The following ZC2HC1B variants were observed in gnomAD, a reference collection of about 807,000 sequenced individuals.
ZC2HC1B encodes zinc finger C2HC domain-containing protein 1B.
In ZC2HC1B, 36 loss-of-function variants were observed where a neutral mutation model predicts 31.0. The ratio of observed to expected loss-of-function variants is 1.16; its 90% confidence interval spans 0.89 to 1.54. The LOEUF (loss-of-function observed/expected upper bound fraction) is 1.54. Ranked by LOEUF, ZC2HC1B falls within the 40% of genes most tolerant of loss-of-function variation. The pLI is 0.00. For missense variants in ZC2HC1B, 260 were observed against 268.6 expected (o/e 0.97, Z 0.22); for synonymous variants, 73 against 88.0 (o/e 0.83, Z 0.95).
chr6:143,889,652 C>A (rs758372480), intron 4 of ZC2HC1B, among the ~76,000 whole-genome samples: 38 of 152,014 alleles, frequency 2.5e-4, no homozygotes, highest in Non-Finnish European at 5.4e-4. Flanking sequence ...AACAGAGCTT[C>A]TAAGAATGTG....
chr6:143,878,870 C>T (rs950634140), intron 1 of ZC2HC1B, among the ~76,000 whole-genome samples: 2 of 152,112 alleles, frequency 1.3e-5, no homozygotes, highest in Non-Finnish European at 2.9e-5. Flanking sequence ...ACCTACCTAT[C>T]TGTGTTTGCT....
chr6:143,928,251 G>T (rs567246359), intron 6 of ZC2HC1B, among the ~76,000 whole-genome samples: 2 of 152,104 alleles, frequency 1.3e-5, no homozygotes, highest in South Asian at 4.1e-4. Context: ...TTTAGTTTTC[G>T]CATCATACAT....
At position 143,883,270 on chromosome 6, in the gene ZC2HC1B, C is replaced by T. The variant is rs1324107516; in HGVS notation, c.29-1034C>T. Among the ~76,000 whole-genome samples, 1 of 152,172 alleles carries T rather than the reference C, an allele frequency of 6.6e-6. No homozygotes were observed. Among genetic ancestry groups the T allele is most frequent in the Admixed American group, 6.5e-5 (1 of 15,280 alleles). ...CCCAAGCTGGTCTCGAATCCTTAGG[C>T]TCAAGCAATCCTCCTGCTTCAGCCT... On this transcript the variant is annotated intron_variant, in intron 1 of 7. Transcript: ENST00000237275. The surrounding 1 kb of genome is among the most constrained non-coding windows in gnomAD (Gnocchi z 4.1).
chr6:143,898,529 TTTG>T lies in ZC2HC1B; in HGVS notation c.350-17_350-15del. On this transcript the variant is annotated intron_variant, in intron 4 of 7. Transcript: ENST00000237275. Reference sequence around the variant, plus strand: ...GTTGTTTTTGAAGTGCTAATTGCCATTTGTTGTTATCTTTACATTCAGATTATA... The same window carrying T: ...GTTGTTTTTGAAGTGCTAATTGCCATTTGTTATCTTTACATTCAGATTATA... 6.5e-7 allele frequency: 1 copy of T among 1,550,268 alleles called. No homozygotes were observed. Among genetic ancestry groups the T allele is most frequent in the Non-Finnish European group, 8.7e-7 (1 of 1,145,986 alleles).
At position 143,920,932 on chromosome 6, in the gene ZC2HC1B, A is replaced by G. The variant is rs190793492; in HGVS notation, c.599-16717A>G. ...AAAAAAAAAAAAAAAAAAGGTTGAC[A>G]CTAGTTTCCATAATACCATCTGAGC... is the stretch of plus-strand genomic sequence containing the variant. On this transcript the variant is annotated intron_variant, in intron 6 of 7. Coordinates refer to ENST00000237275, the MANE Select transcript of ZC2HC1B (RefSeq NM_001013623.3). Among the ~76,000 whole-genome samples, 653 of 150,302 alleles carry G rather than the reference A, an allele frequency of 4.3e-3. 3 individuals are homozygous for G. The highest frequency in any genetic ancestry group is 4.6e-3 in the Non-Finnish European group (308 of 67,666).
chr6:143,932,143 G>T (rs1778128536), intron 6 of ZC2HC1B, among the ~76,000 whole-genome samples: 1 of 152,036 alleles, frequency 6.6e-6, no homozygotes, highest in South Asian at 2.1e-4. Context: ...CCAAAGTGCT[G>T]GGATTACAGA....
chr6:143,931,456 A>C (rs1054333541), intron 6 of ZC2HC1B, among the ~76,000 whole-genome samples: 3 of 151,982 alleles, frequency 2.0e-5, no homozygotes, highest in Admixed American at 2.0e-4. Flanking sequence ...AAGAGGTTCT[A>C]TTTTGGTGTA....
rs1308043653 is a variant in ZC2HC1B at position 143,913,393 on chromosome 6, G to C, written c.598+10241G>C. Among the ~76,000 whole-genome samples, 1 of 152,208 alleles carries C rather than the reference G, an allele frequency of 6.6e-6. No individual in the cohort carries two copies. Among genetic ancestry groups the C allele is most frequent in the East Asian group, 1.9e-4 (1 of 5,196 alleles). On this transcript the variant is annotated intron_variant, in intron 6 of 7. Transcript: ENST00000237275. The surrounding 1 kb of genome is among the most constrained non-coding windows in gnomAD (Gnocchi z 5.7). ...AGGTGTTGCCCACCACTCTCCCCTTGAGGCTCCATCCTGTCTCAGGCAGGC... is the reference window on the plus strand; with the variant it reads ...AGGTGTTGCCCACCACTCTCCCCTTCAGGCTCCATCCTGTCTCAGGCAGGC...
rs919480585 is a variant in ZC2HC1B, at chr6:143,921,369, G to A, written c.599-16280G>A. ...ATGGAATATAAGTTTCAAGAAAGGG[G>A]AATTCTCTACTGTATCTTTCTCTAT... is the stretch of plus-strand genomic sequence containing the variant. On this transcript the variant is annotated intron_variant, in intron 6 of 7. Transcript: ENST00000237275. The surrounding 1 kb of genome is among the most constrained non-coding windows in gnomAD (Gnocchi z 6.1). Among the ~76,000 whole-genome samples the A allele has an allele frequency of 2.0e-5, 3 of 152,148 alleles. No homozygotes were observed. Among genetic ancestry groups the A allele is most frequent in the Non-Finnish European group, 1.5e-5 (1 of 68,028 alleles).
At chr6:143,900,726 C>T (rs1304069837) in intron 5 of ZC2HC1B, among the ~76,000 whole-genome samples, 1 of 152,120 alleles carries the variant, frequency 6.6e-6, no homozygotes, top group Non-Finnish European at 1.5e-5. Context: ...ATAAGGTTTT[C>T]AGCTCCAGAG....
rs1778003222 is a variant in ZC2HC1B at position 143,923,427 on chromosome 6, T to C, written c.599-14222T>C. Among the ~76,000 whole-genome samples the C allele has an allele frequency of 6.6e-6, 1 of 152,192 alleles. No individual in the cohort carries two copies. The highest frequency in any genetic ancestry group is 2.1e-4 in the South Asian group (1 of 4,828). On this transcript the variant is annotated intron_variant, in intron 6 of 7. Transcript: ENST00000237275. The surrounding 1 kb of genome is among the most constrained non-coding windows in gnomAD (Gnocchi z 4.8). Reference sequence around the variant, plus strand: ...TGTCCTTCTCACTCTGTTGATTGCTTCCTTTGCTGCATAGAAGCTTTTTAG... The same window carrying C: ...TGTCCTTCTCACTCTGTTGATTGCTCCCTTTGCTGCATAGAAGCTTTTTAG...
chr6:143,892,663 G>C (rs1395194264), intron 4 of ZC2HC1B, among the ~76,000 whole-genome samples: 1 of 152,078 alleles, frequency 6.6e-6, no homozygotes, highest in Non-Finnish European at 1.5e-5. Context: ...CTTAGCAAAA[G>C]GACAGTACCA....
intron 4 of ZC2HC1B, 140 bp from the exon 5 acceptor site, chr6:143,898,412 C>A: frequency 9.0e-7 from 1 of 1,105,828 alleles, no homozygotes. Context: ...CCACTCACCT[C>A]AGCCTCACAG....
chr6:143,907,542 C>CTCTT (rs1370751818), intron 6 of ZC2HC1B, among the ~76,000 whole-genome samples: 1 of 152,106 alleles, frequency 6.6e-6, no homozygotes, highest in East Asian at 1.9e-4. Flanking sequence ...TGATGTTGAG[C>CTCTT]TCTTTTCATA....
chr6:143,912,943 C>T (rs1178956792), intron 6 of ZC2HC1B, among the ~76,000 whole-genome samples: 1 of 152,198 alleles, frequency 6.6e-6, no homozygotes. Context: ...TGGGTGGGAC[C>T]TGACTGGGAG....
At chr6:143,901,663 T>G (rs1346094206) in intron 5 of ZC2HC1B, among the ~76,000 whole-genome samples, 1 of 152,160 alleles carries the variant, frequency 6.6e-6, no homozygotes, top group Non-Finnish European at 1.5e-5. Flanking sequence ...ATGTGTACCT[T>G]GCTGAGTTGT....
At chr6:143,912,797 C>T (rs1172304020) in intron 6 of ZC2HC1B, among the ~76,000 whole-genome samples, 1 of 152,148 alleles carries the variant, frequency 6.6e-6, no homozygotes, top group Non-Finnish European at 1.5e-5. Context: ...TCCCTTCTGC[C>T]CCTGATCGGT....
At chr6:143,930,989 T>C (rs1004494214) in intron 6 of ZC2HC1B, among the ~76,000 whole-genome samples, 6 of 152,210 alleles carry the variant, frequency 3.9e-5, no homozygotes, top group Admixed American at 3.9e-4. Context: ...CCACTATTAG[T>C]GTAATGCATC....
In ZC2HC1B at chr6:143,898,675, T is replaced by C; in HGVS notation, c.473T>C (p.Leu158Ser). The C allele has an allele frequency of 6.4e-7, 1 of 1,552,120 alleles. No individual in the cohort carries two copies. The highest frequency in any genetic ancestry group is 8.7e-7 in the Non-Finnish European group (1 of 1,147,074). The change falls in exon 5 of 8, where the codon TTG becomes TCG. Residue 158 changes from leucine to serine, a missense_variant. Coordinates refer to ENST00000237275, the MANE Select transcript of ZC2HC1B (RefSeq NM_001013623.3). ...VFNPAQTAAK[L>S]ASRAQGRAQM... ...AATCCAGCTCAGACAGCAGCCAAAT[T>C]GGCATCCAGAGCTCAGGTAACTATC...
Sources: allele counts gnomAD v4.1 joint callset (sites outside exome capture counted in the v4.1 genomes callset), GRCh38; gene constraint gnomAD v4.1.1; non-coding constraint Gnocchi (gnomAD v3.1); transcripts MANE v1.5; gene names NCBI Gene and HGNC (gene_info 2026-07-23, HGNC 2026-07-21).